TNIK: variants seen among roughly 807,000 people sequenced by gnomAD.
TNIK encodes the protein TRAF2 and NCK interacting kinase.
A neutral mutation model predicts 191.3 loss-of-function variants in TNIK; 49 were observed. That is an observed-to-expected ratio of 0.26 (90% CI 0.20 to 0.32). The LOEUF (loss-of-function observed/expected upper bound fraction) is 0.32, where lower values mean the gene tolerates loss of function less well. Ranked by LOEUF, TNIK falls within the 10% of genes least tolerant of loss-of-function variation. TNIK has a pLI of 1.00. For missense variants in TNIK, 1,155 were observed against 1,702.3 expected (o/e 0.68, Z 5.66); for synonymous variants, 594 against 600.9 (o/e 0.99, Z 0.17).
rs1741611440 is a variant in TNIK at position 171,217,669 on chromosome 3, G to A, written c.181-6428C>T. ...AATAGGCATAACAGATTCAAGTTCT[G>A]CTACAATGAAGCTTACTACAGTTTA... On this transcript the variant is annotated intron_variant, in intron 3 of 32. Transcript: ENST00000436636. Among the ~76,000 whole-genome samples, 3 of 152,118 alleles carry A rather than the reference G, an allele frequency of 2.0e-5. No homozygotes were observed. In the South Asian group the frequency reaches 6.2e-4, roughly 32 times the overall value.
intron 2 of TNIK, among the ~76,000 whole-genome samples, chr3:171,254,254 A>G (rs1746585795): frequency 2.0e-5 from 3 of 152,218 alleles, no homozygotes. Context: ...AAATAGTCTT[A>G]AAAAGATAAT....
intron 22 of TNIK, among the ~76,000 whole-genome samples, chr3:171,099,253 G>A (rs1378029714): frequency 6.6e-6 from 1 of 151,920 alleles, no homozygotes; most frequent in African/African-American, 2.4e-5. Flanking sequence ...CACACTTCTT[G>A]GTCTGATTTC....
chr3:171,137,855 AAG>A (rs941891992), intron 15 of TNIK, among the ~76,000 whole-genome samples: 1 of 152,146 alleles, frequency 6.6e-6, no homozygotes, highest in Non-Finnish European at 1.5e-5. Flanking sequence ...ATTCAACAAA[AAG>A]GTCACTAAAA....
intron 4 of TNIK, among the ~76,000 whole-genome samples, chr3:171,202,277 C>T (rs1266650887): frequency 1.3e-5 from 2 of 151,898 alleles, no homozygotes; most frequent in South Asian, 4.2e-4. Flanking sequence ...ATCATAGAAG[C>T]TAACTTTAAG....
At chr3:171,152,794 C>T (rs565949519) in intron 12 of TNIK, among the ~76,000 whole-genome samples, 22 of 148,482 alleles carry the variant, frequency 1.5e-4, no homozygotes, top group Non-Finnish European at 2.1e-4. Flanking sequence ...TTTTTTGAGA[C>T]GGAGTCTTGC....
At chr3:171,308,080 A>C in intron 2 of TNIK, among the ~76,000 whole-genome samples, 1 of 152,170 alleles carries the variant, frequency 6.6e-6, no homozygotes. Context: ...AACTATTATA[A>C]AATTCATATG....
At chr3:171,377,305 T>C (rs11926949) in intron 1 of TNIK, among the ~76,000 whole-genome samples, 21,980 of 152,190 alleles carry the variant, frequency 0.14, 1,728 homozygotes, top group Middle Eastern at 0.21. Context: ...CCTCACCTCC[T>C]GTTTGGTTTG....
intron 2 of TNIK, among the ~76,000 whole-genome samples, chr3:171,323,242 A>G (rs1455690862): frequency 1.3e-5 from 2 of 152,198 alleles, no homozygotes; most frequent in African/African-American, 4.8e-5. Context: ...TCTTACTTGC[A>G]AAGTCTTTCT....
rs541130927 is a variant in TNIK, at chr3:171,425,714, G to T, written c.57+34293C>A. Among the ~76,000 whole-genome samples, 17 of 151,848 alleles carry T rather than the reference G, an allele frequency of 1.1e-4. No individual in the cohort carries two copies. In the South Asian group the frequency reaches 3.5e-3, roughly 32 times the overall value. The stretch of plus-strand genomic sequence containing the variant: ...ATGGTGGCAGACACCTGTAATTCCA[G>T]CTATTCGGGAGACTGAGGCAGGAGA... On this transcript the variant is annotated intron_variant, in intron 1 of 32. Coordinates refer to ENST00000436636, the MANE Select transcript of TNIK (RefSeq NM_015028.4).
At chr3:171,154,540 A>G (rs976654813) in intron 12 of TNIK, among the ~76,000 whole-genome samples, 1 of 152,226 alleles carries the variant, frequency 6.6e-6, no homozygotes, top group African/African-American at 2.4e-5. Flanking sequence ...AATCACTAAT[A>G]TCATTTCAGA....
intron 2 of TNIK, among the ~76,000 whole-genome samples, chr3:171,340,147 C>G (rs919769448): frequency 2.6e-5 from 4 of 152,030 alleles, no homozygotes; most frequent in African/African-American, 9.7e-5. Context: ...TTTAAAGTTA[C>G]AATACTTTAC....
intron 1 of TNIK, 82 bp downstream of exon 1, chr3:171,459,920 GCCCCA>G: frequency 1.7e-6 from 2 of 1,157,388 alleles, no homozygotes; most frequent in Non-Finnish European, 2.5e-6. Context: ...CTGTCCCCCT[GCCCCA>G]GCCCCAGCCC....
chr3:171,138,499 T>C, intron 14 of TNIK, 120 bp from the exon 15 acceptor site: 1 of 917,130 alleles, frequency 1.1e-6, no homozygotes, highest in Non-Finnish European at 1.5e-6. Flanking sequence ...AGGATCTTAA[T>C]ACCAACAGAA....
At chr3:171,428,896 G>C (rs1161278715) in intron 1 of TNIK, among the ~76,000 whole-genome samples, 1 of 151,816 alleles carries the variant, frequency 6.6e-6, no homozygotes, top group East Asian at 1.9e-4. Context: ...TCTGAATTCT[G>C]TCCCTTGTCC....
intron 22 of TNIK, among the ~76,000 whole-genome samples, chr3:171,098,776 A>G (rs1023386220): frequency 1.1e-4 from 17 of 152,226 alleles, no homozygotes; most frequent in African/African-American, 3.4e-4. Flanking sequence ...TGGCCCCCAA[A>G]TACTCAATTC....
chr3:171,422,300 GACAT>G (rs1388387664), intron 1 of TNIK, among the ~76,000 whole-genome samples: 2 of 151,782 alleles, frequency 1.3e-5, no homozygotes, highest in Non-Finnish European at 2.9e-5. Context: ...AGTAGTAAAA[GACAT>G]ACATAAATAA....
At chr3:171,090,494 C>A (rs1297601979) in intron 23 of TNIK, among the ~76,000 whole-genome samples, 1 of 149,640 alleles carries the variant, frequency 6.7e-6, no homozygotes, top group Non-Finnish European at 1.5e-5. Context: ...ACCCAAAGAG[C>A]CTTCATGATG....
At chr3:171,138,438 G>A (rs1157371288) in intron 14 of TNIK, 59 bp from the exon 15 acceptor site, 8 of 1,427,924 alleles carry the variant, frequency 5.6e-6, no homozygotes, top group South Asian at 3.2e-5. Context: ...AGAAATCATC[G>A]GCCAGTACCA....
chr3:171,084,219 G>A lies in TNIK; in HGVS notation c.3105C>T (p.Asp1035=). The stretch of plus-strand genomic sequence containing the variant: ...TCTTGTATTTTCTGATTTCTGGTGT[G>A]TCGCTATGAGGCCGAATGTTGGTTG... ...VNPTNIRPHS[D]TPEIRKYKKR... is the part of the protein sequence containing the mutation. The change falls in exon 26 of 33, where the codon GAC becomes GAT. Residue 1035 remains aspartate, a synonymous_variant. Coordinates refer to ENST00000436636, the MANE Select transcript of TNIK (RefSeq NM_015028.4). The A allele has an allele frequency of 6.2e-7, 1 of 1,613,040 alleles. No homozygotes were observed. Among genetic ancestry groups the A allele is most frequent in the Non-Finnish European group, 8.5e-7 (1 of 1,179,662 alleles).
Sources: allele counts gnomAD v4.1 joint callset (sites outside exome capture counted in the v4.1 genomes callset), GRCh38; gene constraint gnomAD v4.1.1; transcripts MANE v1.5; gene names NCBI Gene and HGNC (gene_info 2026-07-23, HGNC 2026-07-21).